EIPR1: variants seen among roughly 807,000 people sequenced by gnomAD.
EIPR1 encodes the protein EARP and GARP complex-interacting protein 1.
In EIPR1, 25 loss-of-function variants were observed where a neutral mutation model predicts 48.1. The ratio of observed to expected loss-of-function variants is 0.52; its 90% CI spans 0.38 to 0.73. EIPR1 has a LOEUF of 0.73. EIPR1 is among the 30% of genes least tolerant of loss of function. The pLI, the probability that EIPR1 is intolerant of heterozygous loss-of-function variation, is 0.00. For missense variants in EIPR1, 415 were observed against 506.2 expected (o/e 0.82, Z 1.73); for synonymous variants, 204 against 201.9 (o/e 1.01, Z -0.09).
intron 3 of EIPR1, among the ~76,000 whole-genome samples, chr2:3,267,289 A>G (rs997303377): frequency 6.6e-6 from 1 of 152,252 alleles, no homozygotes; most frequent in African/African-American, 2.4e-5. Context: ...ATGCCCCGGG[A>G]CATTCCCTCA....
chr2:3,287,238 GAAAGCTCGTTCACCACA>G (rs1425050794), intron 3 of EIPR1, among the ~76,000 whole-genome samples: 1 of 151,058 alleles, frequency 6.6e-6, no homozygotes, highest in Admixed American at 6.6e-5. Context: ...CCACAATCCA[GAAAGCTCGTTCACCACA>G]CTCCAGAAAG....
Position 3,350,066 on chromosome 2 carries a change from C to T in EIPR1, c.126+4484G>A, listed in dbSNP as rs182677676. 3.2e-3 allele frequency among the ~76,000 whole-genome samples: 420 copies of T among 131,388 alleles called. 3 individuals carry two copies. Among genetic ancestry groups the T allele is most frequent in the Non-Finnish European group, 4.7e-3 (302 of 64,610 alleles). 86.2% of individuals were successfully genotyped at this position (131,388 alleles called of 152,430 possible). A position where few individuals can be genotyped will look rare whatever the true frequency, so the allele number is the denominator to read the frequency against. Reference sequence around the variant, plus strand: ...CTGGGAGGCAGAGGTTGCAGTGAGCCGAGATCACGCCACTGCACTCCAGCC... The same window carrying T: ...CTGGGAGGCAGAGGTTGCAGTGAGCTGAGATCACGCCACTGCACTCCAGCC... On this transcript the variant is annotated intron_variant, in intron 2 of 8. Coordinates refer to ENST00000382125, the MANE Select transcript of EIPR1 (RefSeq NM_003310.5).
At chr2:3,317,754 C>T (rs1281047705) in intron 3 of EIPR1, among the ~76,000 whole-genome samples, 1 of 152,126 alleles carries the variant, frequency 6.6e-6, no homozygotes, top group Admixed American at 6.5e-5. Flanking sequence ...GGTCCTGGGT[C>T]CCTATGAGAA....
In EIPR1 at chr2:3,227,570, C is replaced by T. The variant is rs1393072477; in HGVS notation, c.417-13322G>A. On this transcript the variant is annotated intron_variant, in intron 4 of 8. Transcript: ENST00000382125. ...TTTTCTGGGGAGAAATTCAAGCCTG[C>T]TGCAGAAATTTGCATAAGTAACAAG... 2.6e-5 allele frequency among the ~76,000 whole-genome samples: 4 copies of T among 152,348 alleles called. No individual in the cohort carries two copies. In the South Asian group the frequency reaches 6.2e-4, roughly 24 times the overall value.
At chr2:3,192,616 T>G (rs770640245) in intron 7 of EIPR1, 35 bp from the exon 8 acceptor site, 1 of 1,603,164 alleles carries the variant, frequency 6.2e-7, no homozygotes, top group Non-Finnish European at 8.5e-7. Flanking sequence ...AAATGAACTG[T>G]CACCCGCAGG....
chr2:3,264,161 G>A (rs868677292), intron 3 of EIPR1, among the ~76,000 whole-genome samples: 1 of 151,918 alleles, frequency 6.6e-6, no homozygotes, highest in East Asian at 1.9e-4. Context: ...CCGCCCTCCC[G>A]CCAGCCTCTG....
chr2:3,242,861 G>A (rs1244190808), intron 4 of EIPR1, among the ~76,000 whole-genome samples: 1 of 152,158 alleles, frequency 6.6e-6, no homozygotes, highest in Admixed American at 6.5e-5. Flanking sequence ...TGCTTGCAAA[G>A]CCACAGTAAA....
intron 4 of EIPR1, among the ~76,000 whole-genome samples, chr2:3,251,566 G>A (rs1370894116): frequency 1.3e-5 from 2 of 152,114 alleles, no homozygotes; most frequent in East Asian, 1.9e-4. Context: ...AATCTGAAAC[G>A]AGAGCCCGCC....
chr2:3,268,361 C>T lies in EIPR1; in HGVS notation c.260-10906G>A, dbSNP rs1376626223. 3.3e-5 allele frequency among the ~76,000 whole-genome samples: 5 copies of T among 152,342 alleles called. No individual in the cohort carries two copies. In the East Asian group the frequency reaches 9.7e-4, roughly 29 times the overall value. On this transcript the variant is annotated intron_variant, in intron 3 of 8. Transcript: ENST00000382125. ...GCTGTGACCGCCCACTCCCCACCTG[C>T]ACTCCAGAGGGCAGCCTCCTGCCAA... is the stretch of plus-strand genomic sequence containing the variant.
intron 3 of EIPR1, among the ~76,000 whole-genome samples, chr2:3,278,313 A>T (rs1262516244): frequency 6.6e-6 from 1 of 152,142 alleles, no homozygotes; most frequent in African/African-American, 2.4e-5. Flanking sequence ...CACTGCCCAC[A>T]TGCCCTGCCC....
rs898574771 is a variant in EIPR1, at chr2:3,225,432, G to A, written c.417-11184C>T. On this transcript the variant is annotated intron_variant, in intron 4 of 8. Coordinates refer to ENST00000382125, the MANE Select transcript of EIPR1 (RefSeq NM_003310.5). ...GGTTAATTTTTAAATTTTTTGTAAA[G>A]ACAAGATCTCCCTACATTGCCTAGG... Among the ~76,000 whole-genome samples, 11 of 152,060 alleles carry A rather than the reference G, an allele frequency of 7.2e-5. 1 individual carries two copies. The highest frequency in any genetic ancestry group is 1.2e-4 in the African/African-American group (5 of 41,400).
At chr2:3,239,204 G>A (rs1314305171) in intron 4 of EIPR1, among the ~76,000 whole-genome samples, 1 of 152,208 alleles carries the variant, frequency 6.6e-6, no homozygotes, top group East Asian at 1.9e-4. Context: ...CTGGGGACAG[G>A]CCCCATCAGG....
At chr2:3,349,689 G>A (rs1416918140) in intron 2 of EIPR1, among the ~76,000 whole-genome samples, 4 of 151,410 alleles carry the variant, frequency 2.6e-5, no homozygotes, top group Non-Finnish European at 4.4e-5. Context: ...CAGGGAGGAC[G>A]CTGTGAGATG....
chr2:3,211,822 C>T (rs1037470), intron 5 of EIPR1, among the ~76,000 whole-genome samples: 138,976 of 152,262 alleles, frequency 0.91, 63,785 homozygotes, highest in East Asian at 0.98. Flanking sequence ...CTATTTATTT[C>T]GTGGCGAGTG....
At chr2:3,194,739 GCTAT>G (rs947737628) in intron 6 of EIPR1, among the ~76,000 whole-genome samples, 4 of 151,956 alleles carry the variant, frequency 2.6e-5, no homozygotes, top group Admixed American at 6.6e-5. Context: ...GAAGGGGCCG[GCTAT>G]CTATCTATCT....
intron 3 of EIPR1, chr2:3,320,374 AAAC>A (rs1339249296): frequency 5.0e-5 from 8 of 159,846 alleles, no homozygotes; most frequent in African/African-American, 1.9e-4. Flanking sequence ...GCGGGCAGGA[AAAC>A]ACCACACCTG....
At chr2:3,258,151 T>A (rs889636610) in intron 3 of EIPR1, among the ~76,000 whole-genome samples, 3 of 152,208 alleles carry the variant, frequency 2.0e-5, no homozygotes, top group African/African-American at 7.2e-5. Context: ...ATACTCTATT[T>A]TCAAGATGCT....
At chr2:3,331,188 T>C (rs1234816067) in intron 3 of EIPR1, among the ~76,000 whole-genome samples, 2 of 80,120 alleles carry the variant, frequency 2.5e-5, no homozygotes, top group South Asian at 5.5e-4. Flanking sequence ...TGTACACTCA[T>C]ATGGTGTGAG....
intron 3 of EIPR1, among the ~76,000 whole-genome samples, chr2:3,321,586 T>G (rs1669531874): frequency 6.6e-6 from 1 of 152,236 alleles, no homozygotes; most frequent in Non-Finnish European, 1.5e-5. Context: ...TCAGCTTATT[T>G]TCACAATGCA....
Sources: gnomAD v4.1 joint callset for allele counts (sites outside exome capture counted in the v4.1 genomes callset) on GRCh38, gnomAD v4.1.1 for gene constraint, MANE v1.5 for transcripts, NCBI Gene and HGNC (gene_info 2026-07-23, HGNC 2026-07-21) for gene names.